Variants in ZNF569 observed in about 807,000 individuals in gnomAD.
The protein encoded by ZNF569 is zinc finger protein 569.
A neutral mutation model predicts 56.3 loss-of-function variants in ZNF569; 38 were observed. The observed-to-expected ratio is 0.68, with a 90% CI of 0.52 to 0.88. The LOEUF is 0.88. Among genes scored for constraint, ZNF569 ranks in the 40% least tolerant of loss-of-function variants. The probability of loss-of-function intolerance (pLI) is 0.00; values close to 1 mark genes in which losing one functional copy is unlikely to be tolerated. For synonymous variants in ZNF569, 241 were observed against 262.9 expected (o/e 0.92, Z 0.81); for missense variants, 666 against 809.2 (o/e 0.82, Z 2.15).
chr19:37,416,643 G>C (rs1038444964), intron 5 of ZNF569, among the ~76,000 whole-genome samples: 3 of 151,872 alleles, frequency 2.0e-5, no homozygotes, highest in African/African-American at 7.3e-5. Flanking sequence ...TTTAAAATTT[G>C]TATTATTTTT....
intron 2 of ZNF569, among the ~76,000 whole-genome samples, chr19:37,461,313 CT>C (rs200197328): frequency 0.021 from 2,825 of 136,948 alleles, 38 homozygotes; most frequent in East Asian, 0.053. Flanking sequence ...AAAATATCCT[CT>C]TTTTTTTTTT....
At chr19:37,447,574 T>G (rs1425862832) in intron 2 of ZNF569, among the ~76,000 whole-genome samples, 2 of 152,180 alleles carry the variant, frequency 1.3e-5, no homozygotes, top group African/African-American at 4.8e-5. Flanking sequence ...TTTTCAATCT[T>G]TATGTCTTTT....
intron 2 of ZNF569, among the ~76,000 whole-genome samples, chr19:37,455,735 G>A (rs768624476): frequency 6.6e-6 from 1 of 151,882 alleles, no homozygotes; most frequent in East Asian, 1.9e-4. Flanking sequence ...ATGTGTCCCC[G>A]GATTCCAGGT....
intron 2 of ZNF569, among the ~76,000 whole-genome samples, chr19:37,450,389 T>C (rs1287813525): frequency 1.3e-5 from 2 of 152,208 alleles, no homozygotes; most frequent in African/African-American, 2.4e-5. Context: ...GTAGTTCGTA[T>C]GTTTCTAGGA....
In ZNF569 at chr19:37,464,595, T is replaced by G. The variant is rs546784425; in HGVS notation, c.-44+718A>C. ...GCCTATGGTAGTCAGTACAGTAACA[T>G]GCTGTACAGGTTTGTAGCCTGGGAA... On this transcript the variant is annotated intron_variant, in intron 2 of 5. Transcript: ENST00000316950. Among the ~76,000 whole-genome samples, 12 of 152,348 alleles carry G rather than the reference T, an allele frequency of 7.9e-5. No homozygotes were observed. The East Asian group carries it at 2.3e-3, about 29-fold the overall frequency.
At position 37,447,102 on chromosome 19, in the gene ZNF569, G is replaced by A. The variant is rs552595834; in HGVS notation, c.-43-2138C>T. On this transcript the variant is annotated intron_variant, in intron 2 of 5. Transcript: ENST00000316950. Reference sequence around the variant, plus strand: ...CATAATCAAAAAATAATAAATGTTGGCATGGATGTGGTGAAAAGGGAACAC... The same window carrying A: ...CATAATCAAAAAATAATAAATGTTGACATGGATGTGGTGAAAAGGGAACAC... 4.2e-4 allele frequency among the ~76,000 whole-genome samples: 64 copies of A among 152,234 alleles called. No individual in the cohort carries two copies. In the South Asian group the frequency reaches 0.013, roughly 32 times the overall value.
intron 2 of ZNF569, among the ~76,000 whole-genome samples, chr19:37,454,138 C>T (rs2041636514): frequency 1.3e-5 from 2 of 152,112 alleles, no homozygotes; most frequent in African/African-American, 4.8e-5. Flanking sequence ...GAGTGTACCC[C>T]AGGCTTCAAT....
chr19:37,425,757 G>T, intron 5 of ZNF569, 111 bp downstream of exon 5: 1 of 933,414 alleles, frequency 1.1e-6, no homozygotes, highest in Non-Finnish European at 1.7e-6. Flanking sequence ...GAACCACTGT[G>T]CCAACCTCTG....
rs1173440968 is a variant in ZNF569 at position 37,412,798 on chromosome 19, G to C, written c.1860C>G (p.Ser620=). Reference sequence around the variant, plus strand: ...TATGTCCTCGTATATGTATAGTAAGGGATGAGCTTTGGGAGAAGGCTTTTC... The same window carrying C: ...TATGTCCTCGTATATGTATAGTAAGCGATGAGCTTTGGGAGAAGGCTTTTC... The part of the protein sequence containing the change: ...KCGKAFSQSS[S]LTIHIRGHTG... Residue 620 remains serine, a synonymous_variant, in exon 6 of 6, where the codon TCC becomes TCG. Coordinates refer to ENST00000316950, the MANE Select transcript of ZNF569 (RefSeq NM_152484.3). The C allele has an allele frequency of 6.2e-7, 1 of 1,613,942 alleles. No individual in the cohort carries two copies. The highest frequency in any genetic ancestry group is 2.2e-5 in the East Asian group (1 of 44,866).
At chr19:37,452,210 T>C (rs886339658) in intron 2 of ZNF569, among the ~76,000 whole-genome samples, 2 of 152,236 alleles carry the variant, frequency 1.3e-5, no homozygotes, top group Non-Finnish European at 2.9e-5. Context: ...TAAATTCTCC[T>C]GCCCACATTT....
chr19:37,460,011 T>C (rs1187446386), intron 2 of ZNF569, among the ~76,000 whole-genome samples: 2 of 152,054 alleles, frequency 1.3e-5, no homozygotes, highest in East Asian at 1.9e-4. Flanking sequence ...ATGAAAACCG[T>C]AGTAATCAGA....
intron 2 of ZNF569, among the ~76,000 whole-genome samples, chr19:37,457,874 A>G (rs562088066): frequency 6.6e-6 from 1 of 152,240 alleles, no homozygotes; most frequent in African/African-American, 2.4e-5. Flanking sequence ...AAAATCTTAG[A>G]TATTTTTATA....
intron 3 of ZNF569, among the ~76,000 whole-genome samples, chr19:37,434,501 A>ACAT: frequency 6.6e-6 from 1 of 152,336 alleles, no homozygotes; most frequent in East Asian, 1.9e-4. Context: ...ATCATGGCCA[A>ACAT]CATGGTGAAA....
chr19:37,415,390 T>A (rs1416321089), intron 5 of ZNF569, among the ~76,000 whole-genome samples: 1 of 152,126 alleles, frequency 6.6e-6, no homozygotes, highest in Non-Finnish European at 1.5e-5. Context: ...AAATCCTTTA[T>A]ATAAAATAGG....
At chr19:37,460,136 G>GT (rs762263862) in intron 2 of ZNF569, among the ~76,000 whole-genome samples, 3 of 151,980 alleles carry the variant, frequency 2.0e-5, no homozygotes, top group Admixed American at 6.6e-5. Context: ...AGATGGTAGT[G>GT]TTTTTTTGTT....
chr19:37,454,507 T>C (rs1228957510), intron 2 of ZNF569, among the ~76,000 whole-genome samples: 1 of 152,164 alleles, frequency 6.6e-6, no homozygotes, highest in African/African-American at 2.4e-5. Context: ...GATATTACTT[T>C]TTTTCAGGTC....
chr19:37,441,088 A>C (rs1452708460), intron 3 of ZNF569, among the ~76,000 whole-genome samples: 1 of 152,098 alleles, frequency 6.6e-6, no homozygotes, highest in African/African-American at 2.4e-5. Flanking sequence ...TCTCCACTTA[A>C]CTTTATTGAA....
At chr19:37,419,333 A>G (rs2040989907) in intron 5 of ZNF569, among the ~76,000 whole-genome samples, 1 of 152,256 alleles carries the variant, frequency 6.6e-6, no homozygotes, top group African/African-American at 2.4e-5. Context: ...AATTCAAAAT[A>G]GAAACACAGG....
chr19:37,421,501 T>A (rs2041035263), intron 5 of ZNF569, among the ~76,000 whole-genome samples: 1 of 152,194 alleles, frequency 6.6e-6, no homozygotes. Flanking sequence ...GAGATGGCTC[T>A]TTCCTTAAAC....
Sources: gnomAD v4.1 joint callset for allele counts (sites outside exome capture counted in the v4.1 genomes callset) on GRCh38, gnomAD v4.1.1 for gene constraint, MANE v1.5 for transcripts, NCBI Gene and HGNC (gene_info 2026-07-23, HGNC 2026-07-21) for gene names.